Variants in PPP1R15B observed in about 807,000 individuals in gnomAD.
PPP1R15B encodes protein phosphatase 1 regulatory subunit 15B.
In PPP1R15B, 31 loss-of-function variants were observed where a neutral mutation model predicts 53.9. The ratio of observed to expected loss-of-function variants is 0.58; its 90% CI spans 0.43 to 0.78. The LOEUF (loss-of-function observed/expected upper bound fraction) is 0.78. Ranked by LOEUF, PPP1R15B falls within the 30% of genes least tolerant of loss-of-function variation. The probability of loss-of-function intolerance (pLI) is 0.00; values close to 1 mark genes in which losing one functional copy is unlikely to be tolerated. For missense variants in PPP1R15B, 928 were observed against 849.6 expected, an observed-to-expected ratio of 1.09 and a Z score of -1.15; for synonymous variants, 345 against 329.1, an observed-to-expected ratio of 1.05 and a Z score of -0.52.
Position 204,405,268 on chromosome 1 carries a change from G to C in PPP1R15B, c.*824C>G. On this transcript the variant is annotated 3_prime_UTR_variant, in exon 2 of 2. Coordinates refer to ENST00000367188, the MANE Select transcript of PPP1R15B (RefSeq NM_032833.5). ...TATGATGTAATTATTACTTTCCAGAGTGTTTTGCAATAACTTCAACCTGTT... is the reference window on the plus strand; with the variant it reads ...TATGATGTAATTATTACTTTCCAGACTGTTTTGCAATAACTTCAACCTGTT... 1 of 978,120 alleles carries C rather than the reference G, an allele frequency of 1.0e-6. No individual in the cohort carries two copies. Among genetic ancestry groups the C allele is most frequent in the Non-Finnish European group, 1.2e-6 (1 of 823,024 alleles). The allele number at this position is 978,120 out of a possible 1,614,324, so 60.6% of individuals were successfully genotyped here.
chr1:204,409,938 A>C lies in PPP1R15B; in HGVS notation c.1474T>G (p.Phe492Val). The C allele has an allele frequency of 6.4e-7, 1 of 1,573,222 alleles. No homozygotes were observed. Among genetic ancestry groups the C allele is most frequent in the Non-Finnish European group, 8.6e-7 (1 of 1,159,550 alleles). Residue 492 changes from phenylalanine to valine, a missense_variant, in exon 1 of 2, where the codon TTT (phenylalanine) becomes GTT (valine). Physicochemically the swap from Phe to Val is conservative, Grantham distance 50. Coordinates refer to ENST00000367188, the MANE Select transcript of PPP1R15B (RefSeq NM_032833.5). ...CSVDPYNPQN[F>V]TATIQTAARI... ...GCAGCAGTCTGAATTGTTGCTGTAA[A>C]GTTCTGGGGATTATAAGGATCTACA...
rs754145238 is a variant in PPP1R15B at position 204,410,544 on chromosome 1, G to C, written c.868C>G (p.Leu290Val). The change falls in exon 1 of 2, where the codon CTA becomes GTA. Residue 290 changes from leucine (L) to valine (V), a missense_variant. Leu to Val is a conservative substitution (Grantham distance 32). Transcript: ENST00000367188. ...QGCPPLSTEG[L>V]PEIHHLRMKR... is the part of the protein sequence containing the mutation. ...ATGCGAAGATGGTGAATTTCTGGTA[G>C]GCCTTCCGTAGAAAGAGGTGGACAT... The C allele has an allele frequency of 1.4e-5, 22 of 1,614,040 alleles. No homozygotes were observed. The Admixed American group carries it at 3.5e-4, about 26-fold the overall frequency.
At chr1:204,401,055 G>A (rs116229642), downstream of PPP1R15B, among the ~76,000 whole-genome samples, 1,411 of 152,272 alleles carry the variant, frequency 9.3e-3, 17 homozygotes, top group African/African-American at 0.032. Context: ...AGATTAAGGC[G>A]TCTGCCAGTG....
chr1:204,406,327 G>A lies in PPP1R15B; in HGVS notation c.1921-14C>T. On this transcript the variant is annotated splice_polypyrimidine_tract_variant and intron_variant, in intron 1 of 1. Coordinates refer to ENST00000367188, the MANE Select transcript of PPP1R15B (RefSeq NM_032833.5). ...AAGGAAGGTTACCTACAAAAACAAA[G>A]ACTAATTTTAATAACTGTCTAGGAT... 6.2e-7 allele frequency: 1 copy of A among 1,612,796 alleles called. No homozygotes were observed.
In PPP1R15B at chr1:204,404,026, G is replaced by A. The variant is rs149054339; in HGVS notation, c.*2066C>T. 60 of 985,332 alleles carry A rather than the reference G, an allele frequency of 6.1e-5. No homozygotes were observed. In the East Asian group the frequency reaches 3.3e-3, roughly 54 times the overall value. The allele number at this position is 985,332 out of a possible 1,614,324, so 61.0% of individuals were successfully genotyped here. A position where few individuals can be genotyped will look rare whatever the true frequency, so the allele number is the denominator to read the frequency against. Reference sequence around the variant, plus strand: ...AGGTTTAAGAAACAGGAAACACAACGTTAAGTCTCGGAAATAAAATGTTTC... The same window carrying A: ...AGGTTTAAGAAACAGGAAACACAACATTAAGTCTCGGAAATAAAATGTTTC... On this transcript the variant is annotated 3_prime_UTR_variant, in exon 2 of 2. Transcript: ENST00000367188.
chr1:204,411,247 C>G lies in PPP1R15B; in HGVS notation c.165G>C (p.Gln55His), dbSNP rs139742251. ...TCCAGTAACTGACCCGAGTCTCGGG[C>G]TGGGCAGAGGAAAGCAGTGTGGGGT... The part of the protein sequence containing the change: ...SGNPTLLSSA[Q>H]PETRVSYWTK... The change falls in exon 1 of 2, where the codon CAG becomes CAC. Residue 55 changes from glutamine to histidine, a missense_variant. Physicochemically the swap from Gln to His is conservative, Grantham distance 24. Transcript: ENST00000367188. 74 of 1,614,242 alleles carry G rather than the reference C, an allele frequency of 4.6e-5. No individual in the cohort carries two copies. In the African/African-American group the frequency reaches 9.1e-4, roughly 20 times the overall value.
downstream of PPP1R15B, among the ~76,000 whole-genome samples, chr1:204,402,756 A>AAT (rs912197572): frequency 1.3e-5 from 2 of 151,894 alleles, no homozygotes; most frequent in African/African-American, 4.8e-5. Context: ...ATGATTTTAC[A>AAT]ATACCATGAT....
In PPP1R15B at chr1:204,404,538, T is replaced by G; in HGVS notation, c.*1554A>C. The G allele has an allele frequency of 1.0e-6, 1 of 985,746 alleles. No homozygotes were observed. Among genetic ancestry groups the G allele is most frequent in the South Asian group, 4.7e-5 (1 of 21,280 alleles). The allele number at this position is 985,746 out of a possible 1,614,324, so 61.1% of individuals were successfully genotyped here. ...ACAGAATAAGGGCTCTGCAAAAATT[T>G]GACCAGCTTTTATAGTGTTGCATTC... On this transcript the variant is annotated 3_prime_UTR_variant, in exon 2 of 2. Transcript: ENST00000367188.
intron 1 of PPP1R15B, among the ~76,000 whole-genome samples, chr1:204,406,901 C>A (rs1438597718): frequency 1.3e-5 from 2 of 152,014 alleles, no homozygotes; most frequent in African/African-American, 4.8e-5. Context: ...CGTCTGCCCC[C>A]CCCAATCCCC....
At chr1:204,407,244 G>A (rs1048391305) in intron 1 of PPP1R15B, among the ~76,000 whole-genome samples, 1 of 152,102 alleles carries the variant, frequency 6.6e-6, no homozygotes, top group African/African-American at 2.4e-5. Context: ...AAGAGAAAAA[G>A]TTACTTAGTA....
At chr1:204,396,717 C>T (rs1387668361), downstream of PPP1R15B, among the ~76,000 whole-genome samples, 1 of 152,140 alleles carries the variant, frequency 6.6e-6, no homozygotes, top group Non-Finnish European at 1.5e-5. Context: ...TTTATCAAAA[C>T]TCATTGAATT....
At chr1:204,407,428 T>C (rs781738141) in intron 1 of PPP1R15B, among the ~76,000 whole-genome samples, 1 of 152,204 alleles carries the variant, frequency 6.6e-6, no homozygotes, top group Non-Finnish European at 1.5e-5. Context: ...TAATCACTAC[T>C]TAATTTCTAA....
Position 204,411,750 on chromosome 1 carries a change from C to G in PPP1R15B, c.-339G>C, listed in dbSNP as rs1361617359. On this transcript the variant is annotated 5_prime_UTR_variant, in exon 1 of 2. Transcript: ENST00000367188. ...TTCCGACTGACAGAGGGTTGAAAAG[C>G]CCCTGAGCAACGCGATACCGGAAGG... The G allele has an allele frequency of 3.0e-5, 11 of 366,758 alleles. No homozygotes were observed. Among genetic ancestry groups the G allele is most frequent in the Admixed American group, 1.8e-4 (4 of 22,484 alleles). The allele number at this position is 366,758 out of a possible 1,614,324, so 22.7% of individuals were successfully genotyped here.
chr1:204,405,894 C>A lies in PPP1R15B; in HGVS notation c.*198G>T. On this transcript the variant is annotated 3_prime_UTR_variant, in exon 2 of 2. Coordinates refer to ENST00000367188, the MANE Select transcript of PPP1R15B (RefSeq NM_032833.5). ...GGGAGGATTAGAAATCACACTAGTTCATCCTTCATTATCAGGGCTGGCTTC... is the reference window on the plus strand; with the variant it reads ...GGGAGGATTAGAAATCACACTAGTTAATCCTTCATTATCAGGGCTGGCTTC... 1 of 1,367,708 alleles carries A rather than the reference C, an allele frequency of 7.3e-7. No homozygotes were observed. Among genetic ancestry groups the A allele is most frequent in the Admixed American group, 3.1e-5 (1 of 32,036 alleles). 84.7% of individuals were successfully genotyped at this position (1,367,708 alleles called of 1,614,324 possible).
At chr1:204,409,234 A>T (rs540058608) in intron 1 of PPP1R15B, among the ~76,000 whole-genome samples, 15 of 152,300 alleles carry the variant, frequency 9.8e-5, no homozygotes, top group African/African-American at 3.4e-4. Flanking sequence ...AGAACTACCA[A>T]CCCAAATAAA....
In PPP1R15B at chr1:204,411,212, A is replaced by T; in HGVS notation, c.200T>A (p.Leu67His). The T allele has an allele frequency of 6.2e-7, 1 of 1,614,178 alleles. No individual in the cohort carries two copies. The highest frequency in any genetic ancestry group is 8.5e-7 in the Non-Finnish European group (1 of 1,180,018). Residue 67 changes from leucine (L) to histidine (H), a missense_variant, in exon 1 of 2, where the codon CTC becomes CAC. Leu to His is a moderately conservative substitution (Grantham distance 99, BLOSUM62 -3). Transcript: ENST00000367188. ...ETRVSYWTKL[L>H]SQLLAPLPGL... ...GGGGAGCGGCGCAAGGAGCTGGGAG[A>T]GCAGTTTCGTCCAGTAACTGACCCG...
chr1:204,406,434 A>C, intron 1 of PPP1R15B, 121 bp from the exon 2 acceptor site: 2 of 1,290,742 alleles, frequency 1.5e-6, no homozygotes, highest in Non-Finnish European at 2.1e-6. Context: ...ACATATTATT[A>C]TTAGGAATAT....
At chr1:204,396,383 C>CA (rs56077006), downstream of PPP1R15B, among the ~76,000 whole-genome samples, 45 of 136,392 alleles carry the variant, frequency 3.3e-4, no homozygotes, top group East Asian at 6.6e-4. Flanking sequence ...AAAACAAAAA[C>CA]AAAAAAAAAA....
chr1:204,402,115 C>G (rs1474369173), downstream of PPP1R15B, among the ~76,000 whole-genome samples: 1 of 152,022 alleles, frequency 6.6e-6, no homozygotes, highest in East Asian at 1.9e-4. Flanking sequence ...CAATTAACCC[C>G]AAGATAGAAA....
Sources: allele counts gnomAD v4.1 joint callset (sites outside exome capture counted in the v4.1 genomes callset), GRCh38; gene constraint gnomAD v4.1.1; transcripts MANE v1.5; gene names NCBI Gene and HGNC (gene_info 2026-07-23, HGNC 2026-07-21).